The following NFATC1 variants were observed in gnomAD, a reference collection of about 807,000 sequenced individuals.
NFATC1 encodes the protein nuclear factor of activated T-cells, cytoplasmic 1.
NFATC1 carries 22 observed loss-of-function variants against 76.0 expected under a neutral mutation model. The observed-to-expected ratio is 0.29, with a 90% CI of 0.21 to 0.41. The LOEUF is 0.41. Ranked by LOEUF, NFATC1 falls within the 10% of genes least tolerant of loss-of-function variation. The pLI, the probability that NFATC1 is intolerant of heterozygous loss-of-function variation, is 1.00. For synonymous variants in NFATC1, 704 were observed against 613.1 expected, an observed-to-expected ratio of 1.15 and a Z score of -2.19; for missense variants, 1,357 against 1,337.7, an observed-to-expected ratio of 1.01 and a Z score of -0.23.
At chr18:79,523,224 G>A (rs541965665) in intron 9 of NFATC1, among the ~76,000 whole-genome samples, 5 of 152,116 alleles carry the variant, frequency 3.3e-5, no homozygotes, top group South Asian at 2.1e-4. Context: ...TTCAGAAACC[G>A]GGCATTCAGA....
At chr18:79,513,879 C>G (rs1217814670) in intron 9 of NFATC1, among the ~76,000 whole-genome samples, 6 of 152,208 alleles carry the variant, frequency 3.9e-5, no homozygotes, top group Non-Finnish European at 8.8e-5. Context: ...CAGGACGGGC[C>G]ACTGTGGAGC....
chr18:79,527,717 G>GTGCAAAGAT lies in NFATC1; in HGVS notation c.*143_*151dup, dbSNP rs1555927663. 5 of 746,782 alleles carry GTGCAAAGAT rather than the reference G, an allele frequency of 6.7e-6. No homozygotes were observed. Among genetic ancestry groups the GTGCAAAGAT allele is most frequent in the Non-Finnish European group, 2.3e-6 (1 of 442,140 alleles). 46.3% of individuals were successfully genotyped at this position (746,782 alleles called of 1,614,324 possible). On this transcript the variant is annotated 3_prime_UTR_variant, in exon 10 of 10. Coordinates refer to ENST00000427363, the MANE Select transcript of NFATC1 (RefSeq NM_001278669.2). ...AATGCCAGGAGCTGAACATTAATAT[G>GTGCAAAGAT]TGCAAAGATTGGCTCTCCAACAAGA...
intron 9 of NFATC1, among the ~76,000 whole-genome samples, chr18:79,487,496 A>C (rs1328954792): frequency 6.6e-6 from 1 of 152,202 alleles, no homozygotes; most frequent in South Asian, 2.1e-4. Flanking sequence ...TTCAGGCCCC[A>C]GGTGCAGGGT....
intron 9 of NFATC1, among the ~76,000 whole-genome samples, chr18:79,499,353 C>A (rs1338171061): frequency 2.6e-5 from 1 of 38,018 alleles, no homozygotes; most frequent in Non-Finnish European, 1.7e-4. Flanking sequence ...GTGAGTGTGT[C>A]ACACACACAC....
chr18:79,432,516 C>T (rs930837516), intron 2 of NFATC1, among the ~76,000 whole-genome samples: 3 of 152,166 alleles, frequency 2.0e-5, no homozygotes, highest in African/African-American at 4.8e-5. Flanking sequence ...CCGCATCCTC[C>T]GCCTGCCTTG....
At chr18:79,501,533 A>G (rs921795471) in intron 9 of NFATC1, among the ~76,000 whole-genome samples, 14 of 152,276 alleles carry the variant, frequency 9.2e-5, no homozygotes, top group African/African-American at 3.4e-4. Flanking sequence ...TGGACAGGAA[A>G]AAGTAAAATT....
At chr18:79,400,218 C>G (rs1183447272) in intron 1 of NFATC1, 45 of 1,191,186 alleles carry the variant, frequency 3.8e-5, no homozygotes, top group Non-Finnish European at 3.1e-6. Flanking sequence ...AAGCCGGCGG[C>G]CGCGAGCCGG....
At chr18:79,478,273 G>C (rs954524894) in intron 8 of NFATC1, among the ~76,000 whole-genome samples, 1 of 152,098 alleles carries the variant, frequency 6.6e-6, no homozygotes, top group Non-Finnish European at 1.5e-5. Flanking sequence ...CTCAGATCTT[G>C]TCACCTCTGT....
At chr18:79,413,432 T>G (rs2085766715) in intron 2 of NFATC1, among the ~76,000 whole-genome samples, 1 of 152,180 alleles carries the variant, frequency 6.6e-6, no homozygotes, top group Non-Finnish European at 1.5e-5. Flanking sequence ...CTCCCTGGCT[T>G]GGAGGCGCCG....
At chr18:79,400,802 T>C (rs2085186856) in intron 1 of NFATC1, among the ~76,000 whole-genome samples, 3 of 9,940 alleles carry the variant, frequency 3.0e-4, no homozygotes, top group Non-Finnish European at 5.3e-4. Context: ...CCGCCCCGCG[T>C]CCCGCCCTCC....
At chr18:79,475,412 C>A (rs975384695) in intron 8 of NFATC1, among the ~76,000 whole-genome samples, 1 of 148,672 alleles carries the variant, frequency 6.7e-6, no homozygotes, top group African/African-American at 2.5e-5. Flanking sequence ...CGCTCACCGT[C>A]GACGTTGTAA....
chr18:79,512,114 G>A (rs1010763553), intron 9 of NFATC1, among the ~76,000 whole-genome samples: 5 of 152,078 alleles, frequency 3.3e-5, no homozygotes, highest in African/African-American at 1.2e-4. Flanking sequence ...AGGAGGAGCC[G>A]GCCTCAGGGA....
At chr18:79,436,190 G>A (rs866449009) in intron 3 of NFATC1, among the ~76,000 whole-genome samples, 1 of 152,222 alleles carries the variant, frequency 6.6e-6, no homozygotes, top group Non-Finnish European at 1.5e-5. Context: ...ATCCTTTGAC[G>A]CGGCCCCTTT....
intron 1 of NFATC1, among the ~76,000 whole-genome samples, chr18:79,398,891 A>AC (rs550094035): frequency 6.6e-6 from 1 of 152,288 alleles, no homozygotes; most frequent in African/African-American, 2.4e-5. Flanking sequence ...ACATGGTGAA[A>AC]CCCCGTCTCT....
At position 79,451,833 on chromosome 18, in the gene NFATC1, G is replaced by C. The variant is rs2087486594; in HGVS notation, c.1903+17G>C. The C allele has an allele frequency of 1.3e-6, 2 of 1,593,190 alleles. No homozygotes were observed. The highest frequency in any genetic ancestry group is 1.7e-6 in the Non-Finnish European group (2 of 1,168,032). ...AAGCCCCAGGTATGCTCTTCACCAG[G>C]GGCCATCTGCGGCCTGGGCTTCGGC... On this transcript the variant is annotated intron_variant, in intron 6 of 9. Coordinates refer to ENST00000427363, the MANE Select transcript of NFATC1 (RefSeq NM_001278669.2).
intron 8 of NFATC1, chr18:79,469,643 A>AC (rs895568846): frequency 9.2e-6 from 9 of 982,384 alleles, no homozygotes; most frequent in Non-Finnish European, 6.0e-6. Context: ...TGCACCCTCC[A>AC]CCCCCCATCT....
At chr18:79,464,688 A>ATACACACATG in intron 7 of NFATC1, among the ~76,000 whole-genome samples, 3 of 112,672 alleles carry the variant, frequency 2.7e-5, no homozygotes, top group Admixed American at 8.6e-5. Flanking sequence ...ATGTGTATAT[A>ATACACACATG]TATATATTTA....
At chr18:79,442,302 C>G (rs970611251) in intron 3 of NFATC1, among the ~76,000 whole-genome samples, 6 of 152,240 alleles carry the variant, frequency 3.9e-5, no homozygotes, top group African/African-American at 1.4e-4. Context: ...CTCCTCCCCA[C>G]CTCTGTCCAC....
At chr18:79,472,084 G>A (rs1003783101) in intron 8 of NFATC1, among the ~76,000 whole-genome samples, 1 of 152,156 alleles carries the variant, frequency 6.6e-6, no homozygotes, top group Non-Finnish European at 1.5e-5. Flanking sequence ...AGAGGGAGCC[G>A]GGGTCCTGTG....
Sources: gnomAD v4.1 joint callset for allele counts (sites outside exome capture counted in the v4.1 genomes callset) on GRCh38, gnomAD v4.1.1 for gene constraint, MANE v1.5 for transcripts, NCBI Gene and HGNC (gene_info 2026-07-23, HGNC 2026-07-21) for gene names.